The following SND1 variants were observed in gnomAD, a reference collection of about 807,000 sequenced individuals.
The protein encoded by SND1 is staphylococcal nuclease domain-containing protein 1.
A neutral mutation model predicts 121.7 loss-of-function variants in SND1; 38 were observed. That is an observed-to-expected ratio of 0.31 (90% CI 0.24 to 0.41). The LOEUF (loss-of-function observed/expected upper bound fraction) is 0.41, where lower values mean the gene tolerates loss of function less well. Ranked by LOEUF, SND1 falls within the 10% of genes least tolerant of loss-of-function variation. SND1 has a pLI of 1.00. For missense variants in SND1, 868 were observed against 1,184.6 expected (o/e 0.73, Z 3.92); for synonymous variants, 401 against 447.4 (o/e 0.90, Z 1.31).
Position 128,029,138 on chromosome 7 carries a change from G to A in SND1, c.1779+38082G>A. The A allele has an allele frequency of 1.2e-6, 2 of 1,614,072 alleles. No homozygotes were observed. Among genetic ancestry groups the A allele is most frequent in the Non-Finnish European group, 8.5e-7 (1 of 1,180,032 alleles). On this transcript the variant is annotated intron_variant, in intron 16 of 23. Transcript: ENST00000354725. The surrounding 1 kb of genome is among the most constrained non-coding windows in gnomAD (Gnocchi z 4.2). ...CTGTCGCGGGTACTGCCACCTGCTT[G>A]GGCACACGGGTAGTCTGAATGAGCA... is the stretch of plus-strand genomic sequence containing the variant.
At chr7:127,834,780 C>G (rs1798834396) in intron 11 of SND1, among the ~76,000 whole-genome samples, 1 of 152,108 alleles carries the variant, frequency 6.6e-6, no homozygotes, top group Non-Finnish European at 1.5e-5. Context: ...CATGATTTTC[C>G]TTTGACATCA....
chr7:128,091,703 A>G (rs1793783698), intron 22 of SND1, 134 bp from the exon 23 acceptor site: 1 of 873,800 alleles, frequency 1.1e-6, no homozygotes, highest in South Asian at 1.3e-5. Context: ...TTTTACTCTG[A>G]GGGAACTAAG....
At chr7:127,980,060 A>G (rs1033259395) in intron 15 of SND1, among the ~76,000 whole-genome samples, 36 of 151,476 alleles carry the variant, frequency 2.4e-4, no homozygotes, top group Non-Finnish European at 4.9e-4. Context: ...ACTTTTCACA[A>G]TTCCTTTCCC....
At chr7:127,795,119 G>A (rs571555828) in intron 10 of SND1, among the ~76,000 whole-genome samples, 1 of 152,152 alleles carries the variant, frequency 6.6e-6, no homozygotes, top group East Asian at 1.9e-4. Context: ...CATGTTTCTA[G>A]TTGATCTTCA....
At chr7:127,869,777 T>C (rs565447457) in intron 12 of SND1, among the ~76,000 whole-genome samples, 1 of 152,178 alleles carries the variant, frequency 6.6e-6, no homozygotes, top group Non-Finnish European at 1.5e-5. Context: ...AATTATTCAG[T>C]CATCACAAAG....
chr7:127,918,449 T>C (rs2116794940), intron 14 of SND1, among the ~76,000 whole-genome samples: 1 of 152,296 alleles, frequency 6.6e-6, no homozygotes, highest in South Asian at 2.1e-4. Context: ...TTTAAATGCA[T>C]CAAATATAAG....
intron 16 of SND1, among the ~76,000 whole-genome samples, chr7:128,071,075 G>T (rs1212314878): frequency 6.6e-6 from 1 of 152,206 alleles, no homozygotes; most frequent in African/African-American, 2.4e-5. Context: ...TGGTTTCACA[G>T]TCTTAAATGG....
Position 127,807,566 on chromosome 7 carries a change from G to T in SND1, c.1235G>T (p.Gly412Val), listed in dbSNP as rs1339354559. Reference protein sequence around the residue: ...AREFLRKKLIGKKVNVTVDYI... With the variant: ...AREFLRKKLIVKKVNVTVDYI... ...GAATTTCTTCGAAAAAAGCTTATTG[G>T]GAAGAAGGTAAGTAATTGATGACAG... Residue 412 changes from glycine to valine, a missense_variant, in exon 11 of 24, where the codon GGG (glycine) becomes GTG (valine). Coordinates refer to ENST00000354725, the MANE Select transcript of SND1 (RefSeq NM_014390.4). 6.2e-7 allele frequency: 1 copy of T among 1,612,640 alleles called. No homozygotes were observed. The highest frequency in any genetic ancestry group is 1.3e-5 in the African/African-American group (1 of 74,996).
chr7:127,974,356 T>C (rs1159887289), intron 15 of SND1, among the ~76,000 whole-genome samples: 1 of 152,228 alleles, frequency 6.6e-6, no homozygotes, highest in Non-Finnish European at 1.5e-5. Context: ...TCAAACTTGG[T>C]ACTTGAAGAT....
intron 21 of SND1, among the ~76,000 whole-genome samples, chr7:128,088,068 CTT>C (rs1306588144): frequency 2.0e-5 from 3 of 152,178 alleles, no homozygotes; most frequent in East Asian, 3.8e-4. Flanking sequence ...CAAATTTACT[CTT>C]TACCTTTTCA....
intron 22 of SND1, 30 bp downstream of exon 22, chr7:128,089,722 T>G (rs1268336997): frequency 6.3e-7 from 1 of 1,593,504 alleles, no homozygotes. Context: ...GGCCCCAGCA[T>G]TGCGCCACCA....
At chr7:127,736,841 T>G (rs570262382) in intron 10 of SND1, among the ~76,000 whole-genome samples, 50 of 152,166 alleles carry the variant, frequency 3.3e-4, no homozygotes, top group Non-Finnish European at 6.3e-4. Context: ...CACTGCTCTT[T>G]TCTGTTGCCC....
At chr7:127,710,268 T>C (rs540322536) in intron 9 of SND1, among the ~76,000 whole-genome samples, 1 of 152,318 alleles carries the variant, frequency 6.6e-6, no homozygotes, top group South Asian at 2.1e-4. Context: ...TGAGTAGTTG[T>C]GATAGAAACT....
At chr7:127,925,708 A>T (rs1029180537) in intron 14 of SND1, among the ~76,000 whole-genome samples, 1 of 150,944 alleles carries the variant, frequency 6.6e-6, no homozygotes, top group Non-Finnish European at 1.5e-5. Flanking sequence ...GGTTCAAGCG[A>T]TTCTCCTGCC....
At chr7:127,664,968 A>G (rs529926086) in intron 1 of SND1, among the ~76,000 whole-genome samples, 1 of 152,206 alleles carries the variant, frequency 6.6e-6, no homozygotes, top group Non-Finnish European at 1.5e-5. Context: ...AGTAGGAATG[A>G]CAATATCTGG....
intron 17 of SND1, among the ~76,000 whole-genome samples, chr7:128,080,208 C>T (rs971780587): frequency 2.0e-5 from 3 of 152,250 alleles, no homozygotes; most frequent in Admixed American, 2.0e-4. Flanking sequence ...CCATTCTCTG[C>T]ACTCTCCCAC....
At chr7:127,700,357 G>A (rs10224771) in intron 4 of SND1, among the ~76,000 whole-genome samples, 20 of 152,192 alleles carry the variant, frequency 1.3e-4, no homozygotes, top group African/African-American at 4.8e-4. Context: ...GAGAGGTGAA[G>A]ACTTCTGGCT....
At chr7:127,734,562 T>C (rs1018377365) in intron 10 of SND1, among the ~76,000 whole-genome samples, 2 of 152,118 alleles carry the variant, frequency 1.3e-5, no homozygotes, top group Non-Finnish European at 2.9e-5. Context: ...AGCCCTCAAA[T>C]GGTTGGAAGA....
intron 16 of SND1, among the ~76,000 whole-genome samples, chr7:128,045,996 C>G (rs147078533): frequency 1.3e-5 from 2 of 152,314 alleles, no homozygotes; most frequent in African/African-American, 4.8e-5. Context: ...ATGACACATC[C>G]ACTCCTAAAC....
Sources: gnomAD v4.1 joint callset for allele counts (sites outside exome capture counted in the v4.1 genomes callset) on GRCh38, gnomAD v4.1.1 for gene constraint, Gnocchi (gnomAD v3.1) non-coding constraint, MANE v1.5 for transcripts, NCBI Gene and HGNC (gene_info 2026-07-23, HGNC 2026-07-21) for gene names.